NDST4: variants seen among roughly 807,000 people sequenced by gnomAD.
NDST4 encodes the protein N-deacetylase and N-sulfotransferase 4.
NDST4 carries 63 observed loss-of-function variants against 100.8 expected under a neutral mutation model. That is an observed-to-expected ratio of 0.62 (90% CI 0.51 to 0.77). The LOEUF (loss-of-function observed/expected upper bound fraction) is 0.77, where lower values mean the gene tolerates loss of function less well. Among genes scored for constraint, NDST4 ranks in the 30% least tolerant of loss-of-function variants. NDST4 has a pLI of 0.00. For missense variants in NDST4, 943 were observed against 1,018.4 expected, an observed-to-expected ratio of 0.93 and a Z score of 1.01; for synonymous variants, 377 against 361.8, an observed-to-expected ratio of 1.04 and a Z score of -0.48.
At chr4:114,925,976 T>A (rs1337258462) in intron 6 of NDST4, among the ~76,000 whole-genome samples, 1 of 152,148 alleles carries the variant, frequency 6.6e-6, no homozygotes, top group Admixed American at 6.6e-5. Context: ...TTGACTATTT[T>A]CAGTTGCTGC....
At chr4:114,907,522 A>G (rs1724977817) in intron 6 of NDST4, among the ~76,000 whole-genome samples, 1 of 152,200 alleles carries the variant, frequency 6.6e-6, no homozygotes, top group Admixed American at 6.5e-5. Context: ...ATTGTATTTA[A>G]CAAATGTATT....
At position 114,986,813 on chromosome 4, in the gene NDST4, TATATATATATATA is replaced by T. The variant is rs1333674282; in HGVS notation, c.979-9552_979-9540del. On this transcript the variant is annotated intron_variant, in intron 2 of 13. Transcript: ENST00000264363. ...TTATACATATATATATATATATATA[TATATATATATATA>T]TATATATTTTAATATACTATTCCTA... 1.1e-4 allele frequency among the ~76,000 whole-genome samples: 14 copies of T among 122,912 alleles called. 1 individual carries two copies. The highest frequency in any genetic ancestry group is 3.9e-4 in the African/African-American group (12 of 30,472). 80.6% of individuals were successfully genotyped at this position (122,912 alleles called of 152,430 possible). A position where few individuals can be genotyped will look rare whatever the true frequency, so the allele number is the denominator to read the frequency against.
intron 4 of NDST4, among the ~76,000 whole-genome samples, chr4:114,951,467 A>G (rs1423252724): frequency 6.6e-6 from 1 of 152,040 alleles, no homozygotes; most frequent in South Asian, 2.1e-4. Flanking sequence ...AAGTAATGAT[A>G]GCATGCTTCT....
At chr4:114,990,186 C>A (rs1727007152) in intron 2 of NDST4, among the ~76,000 whole-genome samples, 6 of 152,032 alleles carry the variant, frequency 3.9e-5, no homozygotes. Context: ...GATACAGGTT[C>A]ATTGTGGAGG....
At chr4:115,000,277 G>A (rs1459222631) in intron 2 of NDST4, among the ~76,000 whole-genome samples, 1 of 151,538 alleles carries the variant, frequency 6.6e-6, no homozygotes, top group Non-Finnish European at 1.5e-5. Context: ...AAATTACAAT[G>A]TAAGAAAGTA....
At chr4:115,096,560 A>T (rs1729624876) in intron 1 of NDST4, among the ~76,000 whole-genome samples, 1 of 152,002 alleles carries the variant, frequency 6.6e-6, no homozygotes, top group African/African-American at 2.4e-5. Flanking sequence ...TCTCTTTAGG[A>T]TGAGTTATCC....
rs115041892 is a variant in NDST4 at position 115,106,576 on chromosome 4, T to A, written c.-247+6868A>T. On this transcript the variant is annotated intron_variant, in intron 1 of 13. Transcript: ENST00000264363. ...ATGATACCTAATACGATGTGAATGA[T>A]ATGTACATAATTGTTATACTGTATT... Among the ~76,000 whole-genome samples, 744 of 152,254 alleles carry A rather than the reference T, an allele frequency of 4.9e-3. 6 individuals carry two copies. The highest frequency in any genetic ancestry group is 0.017 in the African/African-American group (711 of 41,556).
chr4:115,032,186 C>T (rs140934472), intron 2 of NDST4, among the ~76,000 whole-genome samples: 22 of 152,158 alleles, frequency 1.4e-4, no homozygotes, highest in African/African-American at 5.3e-4. Context: ...TGATGTGAAG[C>T]TATATAAGCT....
intron 7 of NDST4, among the ~76,000 whole-genome samples, chr4:114,856,041 A>G (rs1303092343): frequency 6.6e-6 from 1 of 151,760 alleles, no homozygotes; most frequent in East Asian, 1.9e-4. Flanking sequence ...GAGAGTTGAG[A>G]TAAGCCCCTT....
At chr4:115,100,224 A>C (rs1490194581) in intron 1 of NDST4, among the ~76,000 whole-genome samples, 1 of 152,072 alleles carries the variant, frequency 6.6e-6, no homozygotes. Context: ...TTTTCTATTT[A>C]ATACTATGAA....
chr4:115,021,425 A>G (rs1449330255), intron 2 of NDST4, among the ~76,000 whole-genome samples: 1 of 150,956 alleles, frequency 6.6e-6, no homozygotes, highest in African/African-American at 2.5e-5. Flanking sequence ...CATACATTCC[A>G]TATATACACA....
At chr4:114,911,272 G>T (rs887250031) in intron 6 of NDST4, among the ~76,000 whole-genome samples, 7 of 151,960 alleles carry the variant, frequency 4.6e-5, no homozygotes, top group African/African-American at 1.4e-4. Context: ...CCAGACCTCT[G>T]GAGGTTTCTT....
intron 1 of NDST4, among the ~76,000 whole-genome samples, chr4:115,113,103 T>G (rs75370089): frequency 6.6e-6 from 1 of 151,950 alleles, no homozygotes; most frequent in South Asian, 2.1e-4. Flanking sequence ...GTTTGTAAAA[T>G]TGGTGCTTTT....
At chr4:115,085,339 T>A (rs1306742445) in intron 1 of NDST4, among the ~76,000 whole-genome samples, 4 of 152,140 alleles carry the variant, frequency 2.6e-5, no homozygotes, top group Non-Finnish European at 5.9e-5. Flanking sequence ...CATATGAGAC[T>A]TTGGACTTGG....
intron 6 of NDST4, among the ~76,000 whole-genome samples, chr4:114,872,278 C>G (rs912360783): frequency 1.3e-5 from 2 of 151,884 alleles, no homozygotes; most frequent in Non-Finnish European, 2.9e-5. Context: ...TTTAGAAAAT[C>G]TGCTCTGGCA....
chr4:115,089,117 C>G (rs1729462821), intron 1 of NDST4, among the ~76,000 whole-genome samples: 1 of 152,030 alleles, frequency 6.6e-6, no homozygotes, highest in African/African-American at 2.4e-5. Flanking sequence ...CACCTTCTTT[C>G]TCTACCCCAA....
chr4:114,919,096 A>C (rs1725237298), intron 6 of NDST4, among the ~76,000 whole-genome samples: 1 of 152,206 alleles, frequency 6.6e-6, no homozygotes, highest in South Asian at 2.1e-4. Context: ...TAAATATTTA[A>C]AATCTTAGCT....
intron 4 of NDST4, among the ~76,000 whole-genome samples, chr4:114,954,553 T>C (rs1726093231): frequency 6.6e-6 from 1 of 152,160 alleles, no homozygotes; most frequent in African/African-American, 2.4e-5. Context: ...ACTTACTTAT[T>C]TTGTGAAAAA....
chr4:115,048,192 A>G (rs1728505510), intron 2 of NDST4, among the ~76,000 whole-genome samples: 1 of 151,754 alleles, frequency 6.6e-6, no homozygotes, highest in Non-Finnish European at 1.5e-5. Flanking sequence ...TGTTTTAATG[A>G]GGGATAGCCA....
Sources: gnomAD v4.1 joint callset for allele counts (sites outside exome capture counted in the v4.1 genomes callset) on GRCh38, gnomAD v4.1.1 for gene constraint, MANE v1.5 for transcripts, NCBI Gene and HGNC (gene_info 2026-07-23, HGNC 2026-07-21) for gene names.